Variants in SLC36A2 observed in about 807,000 individuals in gnomAD.
SLC36A2 encodes proton-coupled amino acid transporter 2.
A neutral mutation model predicts 42.7 loss-of-function variants in SLC36A2; 39 were observed. That is an observed-to-expected ratio of 0.91 (90% CI 0.71 to 1.19). The LOEUF (loss-of-function observed/expected upper bound fraction) is 1.19. Among genes scored for constraint, SLC36A2 ranks in the 50% most tolerant of loss-of-function variants. SLC36A2 has a pLI of 0.00. For missense variants in SLC36A2, 590 were observed against 613.7 expected, an observed-to-expected ratio of 0.96 and a Z score of 0.41; for synonymous variants, 237 against 240.8, an observed-to-expected ratio of 0.98 and a Z score of 0.15.
Position 151,339,058 on chromosome 5 carries a change from AC to A in SLC36A2, c.525+1del, listed in dbSNP as rs1354701407. 1 of 1,606,758 alleles carries A rather than the reference AC, an allele frequency of 6.2e-7. No homozygotes were observed. The highest frequency in any genetic ancestry group is 8.5e-7 in the Non-Finnish European group (1 of 1,174,626). On this transcript the variant is annotated splice_donor_variant, in intron 5 of 9. Coordinates refer to ENST00000335244, the MANE Select transcript of SLC36A2 (RefSeq NM_181776.3). LOFTEE classifies it high-confidence loss of function. ...CCTCCCGTTTTCTCTAGAAGCCTCT[AC>A]CTGTTTTAAATTATCAGCCAAAAAC...
intron 4 of SLC36A2, 58 bp from the exon 5 acceptor site, chr5:151,339,202 G>T: frequency 7.2e-7 from 1 of 1,381,510 alleles, no homozygotes; most frequent in East Asian, 2.4e-5. Context: ...CAACTTGTCA[G>T]TTCCATTTCT....
Position 151,315,692 on chromosome 5 carries a change from C to T in SLC36A2, c.*1125G>A, listed in dbSNP as rs993242570. 6.6e-6 allele frequency: 1 copy of T among 152,198 alleles called. No individual in the cohort carries two copies. Among genetic ancestry groups the T allele is most frequent in the African/African-American group, 2.4e-5 (1 of 41,438 alleles). 9.4% of individuals were successfully genotyped at this position (152,198 alleles called of 1,614,324 possible). Reference sequence around the variant, plus strand: ...AAAATTTAAGGGATACAGATACAGACTTCATCTTTTCATAGGAGCAGGTGC... The same window carrying T: ...AAAATTTAAGGGATACAGATACAGATTTCATCTTTTCATAGGAGCAGGTGC... On this transcript the variant is annotated 3_prime_UTR_variant, in exon 10 of 10. Transcript: ENST00000335244.
rs1755508496 is a variant in SLC36A2, at chr5:151,316,861, C to T, written c.1408G>A (p.Glu470Lys). The T allele has an allele frequency of 6.2e-7, 1 of 1,613,358 alleles. No individual in the cohort carries two copies. The highest frequency in any genetic ancestry group is 1.3e-5 in the African/African-American group (1 of 74,940). The change falls in exon 10 of 10, where the codon GAA becomes AAA. Residue 470 changes from glutamate to lysine, a missense_variant. Physicochemically the swap from Glu to Lys is moderately conservative, Grantham distance 56. Coordinates refer to ENST00000335244, the MANE Select transcript of SLC36A2 (RefSeq NM_181776.3). ...YQALDELLKS[E>K]DSHPFSNSTT... The stretch of plus-strand genomic sequence containing the variant: ...GAGTTGGAAAAGGGGTGAGAGTCTT[C>T]TGACTTGAGCAGCTCGTCCAGGGCC...
At position 151,322,087 on chromosome 5, in the gene SLC36A2, G is replaced by A. The variant is rs2127285472; in HGVS notation, c.1139C>T (p.Pro380Leu). The stretch of plus-strand genomic sequence containing the variant: ...GACGAGGCGAATGGACAGATCCAGA[G>A]GCAGTGCCCAGCGTGTTGACACCCG... Reference protein sequence around the residue: ...ISRVSTRWALPLDLSIRLVMV... With the variant: ...ISRVSTRWALLLDLSIRLVMV... The change falls in exon 9 of 10, where the codon CCT becomes CTT. Residue 380 changes from proline (P) to leucine (L), a missense_variant. Physicochemically the swap from Pro to Leu is moderately conservative, Grantham distance 98. Coordinates refer to ENST00000335244, the MANE Select transcript of SLC36A2 (RefSeq NM_181776.3). The A allele has an allele frequency of 6.2e-7, 1 of 1,614,216 alleles. No homozygotes were observed. The highest frequency in any genetic ancestry group is 8.5e-7 in the Non-Finnish European group (1 of 1,180,042).
chr5:151,339,317 CTTT>C (rs113317650), intron 4 of SLC36A2, among the ~76,000 whole-genome samples, 173 bp from the exon 5 acceptor site: 1 of 144,962 alleles, frequency 6.9e-6, no homozygotes, highest in Non-Finnish European at 1.5e-5. Flanking sequence ...AACAATCGTT[CTTT>C]TTTTTTTTTT....
chr5:151,325,401 G>A lies in SLC36A2; in HGVS notation c.895C>T (p.Leu299=), dbSNP rs1755824974. ...GTGACGATGGACATTCCCAAAGACA[G>A]GATGGCTGGGAAGTGGCGGGCATTC... ...MKNARHFPAI[L]SLGMSIVTSL... Residue 299 remains leucine (L), a synonymous_variant, in exon 8 of 10, where the codon CTG becomes TTG. Coordinates refer to ENST00000335244, the MANE Select transcript of SLC36A2 (RefSeq NM_181776.3). 6 of 1,614,196 alleles carry A rather than the reference G, an allele frequency of 3.7e-6. No individual in the cohort carries two copies. Among genetic ancestry groups the A allele is most frequent in the Non-Finnish European group, 5.1e-6 (6 of 1,180,024 alleles).
Position 151,322,863 on chromosome 5 carries a change from GT to G in SLC36A2, c.1011-649del, listed in dbSNP as rs552967716. Among the ~76,000 whole-genome samples, 11 of 152,192 alleles carry G rather than the reference GT, an allele frequency of 7.2e-5. No individual in the cohort carries two copies. The South Asian group carries it at 1.7e-3, about 23-fold the overall frequency. The stretch of plus-strand genomic sequence containing the variant: ...TCAAGGGATATTGAGTTCTATCTAA[GT>G]TTTTTTTCTATTTGATCTATTGAGA... On this transcript the variant is annotated intron_variant, in intron 8 of 9. Transcript: ENST00000335244.
intron 4 of SLC36A2, among the ~76,000 whole-genome samples, chr5:151,341,633 C>G (rs59559301): frequency 0.14 from 21,952 of 151,948 alleles, 3,680 homozygotes; most frequent in African/African-American, 0.41. Context: ...TTTCAGGGAG[C>G]AAGACTTCAC....
intron 9 of SLC36A2, among the ~76,000 whole-genome samples, chr5:151,318,500 TAAA>T (rs535021306): frequency 0.015 from 1,848 of 122,330 alleles, 12 homozygotes; most frequent in South Asian, 0.021. Context: ...TTATCTATAA[TAAA>T]AATAAATAAT....
intron 5 of SLC36A2, 41 bp from the exon 6 acceptor site, chr5:151,335,588 G>A: frequency 7.1e-7 from 1 of 1,412,040 alleles, no homozygotes. Context: ...GAGATGATGA[G>A]TCTTCTAACC....
intron 4 of SLC36A2, among the ~76,000 whole-genome samples, chr5:151,340,512 C>G (rs1447712205): frequency 6.6e-6 from 1 of 152,028 alleles, no homozygotes; most frequent in East Asian, 1.9e-4. Flanking sequence ...GAGTAGAAGA[C>G]AGTGTTCAAC....
chr5:151,345,874 C>T (rs1756477483), intron 1 of SLC36A2, among the ~76,000 whole-genome samples: 1 of 152,216 alleles, frequency 6.6e-6, no homozygotes, highest in Non-Finnish European at 1.5e-5. Flanking sequence ...CCAACACTTA[C>T]AGACACTGTG....
At position 151,325,928 on chromosome 5, in the gene SLC36A2, A is replaced by G. The variant is rs147471901; in HGVS notation, c.844-476T>C. Among the ~76,000 whole-genome samples the G allele has an allele frequency of 4.4e-3, 665 of 152,320 alleles. 4 individuals are homozygous for G. Among genetic ancestry groups the G allele is most frequent in the African/African-American group, 0.014 (583 of 41,554 alleles). On this transcript the variant is annotated intron_variant, in intron 7 of 9. Transcript: ENST00000335244. ...TACAGAGTTTCAGTTTTGCAAGCTG[A>G]AGAGTTCTGCAGATGAAAGAAAGCA...
intron 7 of SLC36A2, among the ~76,000 whole-genome samples, chr5:151,326,756 A>G (rs1213203904): frequency 6.6e-6 from 1 of 151,352 alleles, no homozygotes; most frequent in Non-Finnish European, 1.5e-5. Context: ...CATTCTCTAC[A>G]TGCACTATTT....
intron 1 of SLC36A2, among the ~76,000 whole-genome samples, chr5:151,344,555 C>T (rs1302129908): frequency 2.0e-5 from 3 of 152,174 alleles, no homozygotes; most frequent in Non-Finnish European, 4.4e-5. Context: ...ATCTTCTAGT[C>T]AAGGCTCTGA....
chr5:151,333,161 A>T lies in SLC36A2; in HGVS notation c.843+63T>A. ...CGGGACACAGAAACCCAGAGCTCAC[A>T]GTTCCTTTCTAGAAGGTCACTCACA... On this transcript the variant is annotated intron_variant, in intron 7 of 9. Transcript: ENST00000335244. The T allele has an allele frequency of 2.1e-6, 3 of 1,420,688 alleles. No homozygotes were observed. In the South Asian group the frequency reaches 3.5e-5, roughly 16 times the overall value. The allele number at this position is 1,420,688 out of a possible 1,614,324, so 88.0% of individuals were successfully genotyped here. A position where few individuals can be genotyped will look rare whatever the true frequency, so the allele number is the denominator to read the frequency against.
chr5:151,323,013 A>G (rs1755739711), intron 8 of SLC36A2, among the ~76,000 whole-genome samples: 1 of 152,164 alleles, frequency 6.6e-6, no homozygotes, highest in Non-Finnish European at 1.5e-5. Context: ...AGGGCGGTGG[A>G]TCACCTGAGG....
intron 7 of SLC36A2, among the ~76,000 whole-genome samples, chr5:151,327,521 G>A (rs1755887008): frequency 6.6e-6 from 1 of 152,200 alleles, no homozygotes; most frequent in African/African-American, 2.4e-5. Context: ...AGATGCTTGA[G>A]GGCAGTGTCA....
intron 7 of SLC36A2, among the ~76,000 whole-genome samples, chr5:151,330,325 T>C (rs149583278): frequency 9.8e-4 from 149 of 152,024 alleles, no homozygotes; most frequent in African/African-American, 3.2e-3. Context: ...GAAAAACACA[T>C]AGGAGAACAA....
Sources: gnomAD v4.1 joint callset for allele counts (sites outside exome capture counted in the v4.1 genomes callset) on GRCh38, gnomAD v4.1.1 for gene constraint, MANE v1.5 for transcripts, NCBI Gene and HGNC (gene_info 2026-07-23, HGNC 2026-07-21) for gene names.